KHDRBS2: variants seen among roughly 807,000 people sequenced by gnomAD.
KHDRBS2 encodes KH domain-containing, RNA-binding, signal transduction-associated protein 2.
Under a neutral mutation model 44.3 loss-of-function variants are expected in KHDRBS2, and 26 were observed. That is an observed-to-expected ratio of 0.59 (90% CI 0.43 to 0.81). The LOEUF is 0.81. Among genes scored for constraint, KHDRBS2 ranks in the 40% least tolerant of loss-of-function variants. The probability of loss-of-function intolerance (pLI) is 0.00; values close to 1 mark genes in which losing one functional copy is unlikely to be tolerated. For missense variants in KHDRBS2, 476 were observed against 433.1 expected (o/e 1.10, Z -0.88); for synonymous variants, 194 against 151.1 (o/e 1.28, Z -2.08).
At chr6:61,781,292 C>A (rs1471616650) in intron 6 of KHDRBS2, among the ~76,000 whole-genome samples, 1 of 151,990 alleles carries the variant, frequency 6.6e-6, no homozygotes, top group Non-Finnish European at 1.5e-5. Flanking sequence ...TCCAAAATAA[C>A]TGATAAAGTT....
chr6:61,643,760 A>G, the KHDRBS2 span, among the ~76,000 whole-genome samples: 1 of 152,186 alleles, frequency 6.6e-6, no homozygotes, highest in Non-Finnish European at 1.5e-5. Context: ...AAGGTGAAAG[A>G]TCTCTGCAAT....
chr6:61,707,381 A>G (rs1769762552), intron 7 of KHDRBS2, among the ~76,000 whole-genome samples: 1 of 151,760 alleles, frequency 6.6e-6, no homozygotes. Context: ...CTAAGCCTTC[A>G]TTGACCACAA....
At chr6:61,615,633 G>A in the KHDRBS2 span, among the ~76,000 whole-genome samples, 4 of 152,098 alleles carry the variant, frequency 2.6e-5, no homozygotes, top group African/African-American at 9.7e-5. Flanking sequence ...ATTTGAAAAT[G>A]TAAAATCCAA....
At chr6:61,935,017 G>A (rs147987210) in intron 4 of KHDRBS2, among the ~76,000 whole-genome samples, 281 of 152,252 alleles carry the variant, frequency 1.8e-3, no homozygotes, top group African/African-American at 6.5e-3. Flanking sequence ...TGCCATTTGA[G>A]GTGCTCTGAA....
chr6:62,093,288 C>A (rs1471455611), intron 2 of KHDRBS2, among the ~76,000 whole-genome samples: 1 of 151,066 alleles, frequency 6.6e-6, no homozygotes, highest in Non-Finnish European at 1.5e-5. Context: ...TTTACTAAAT[C>A]CAAGAATAAA....
the KHDRBS2 span, among the ~76,000 whole-genome samples, chr6:61,553,082 G>C: frequency 6.6e-6 from 1 of 152,118 alleles, no homozygotes; most frequent in Non-Finnish European, 1.5e-5. Context: ...AATAATACTT[G>C]CTCTTCTTTA....
chr6:62,072,032 A>T (rs562541479), intron 2 of KHDRBS2, among the ~76,000 whole-genome samples: 19 of 152,258 alleles, frequency 1.2e-4, no homozygotes, highest in South Asian at 2.1e-4. Flanking sequence ...AGTGGTTTGT[A>T]GTTCTCCTTG....
intron 1 of KHDRBS2, among the ~76,000 whole-genome samples, chr6:62,203,726 G>A (rs1466448905): frequency 6.6e-6 from 1 of 152,054 alleles, no homozygotes; most frequent in Admixed American, 6.6e-5. Context: ...ATACTGGAGG[G>A]AATTGGCAAG....
the KHDRBS2 span, among the ~76,000 whole-genome samples, chr6:61,652,619 A>G: frequency 6.6e-6 from 1 of 152,080 alleles, no homozygotes; most frequent in African/African-American, 2.4e-5. Context: ...GAGTCCCTGG[A>G]AAGAGCCAAG....
At chr6:62,094,621 CA>C (rs1176962508) in intron 2 of KHDRBS2, among the ~76,000 whole-genome samples, 1 of 151,684 alleles carries the variant, frequency 6.6e-6, no homozygotes, top group Non-Finnish European at 1.5e-5. Flanking sequence ...ACTTCTTATC[CA>C]AAAAATCCCT....
intron 4 of KHDRBS2, among the ~76,000 whole-genome samples, chr6:61,936,526 T>TA (rs1238784728): frequency 6.6e-6 from 1 of 152,006 alleles, no homozygotes; most frequent in Non-Finnish European, 1.5e-5. Context: ...GATTTTTTTT[T>TA]ATATTTGAAT....
At chr6:62,090,821 C>T (rs1799361285) in intron 2 of KHDRBS2, among the ~76,000 whole-genome samples, 1 of 152,100 alleles carries the variant, frequency 6.6e-6, no homozygotes, top group Non-Finnish European at 1.5e-5. Context: ...GTTTCAAAGT[C>T]TCCTAAATGG....
At chr6:61,960,541 A>T (rs556384152) in intron 4 of KHDRBS2, among the ~76,000 whole-genome samples, 83 of 152,224 alleles carry the variant, frequency 5.5e-4, no homozygotes, top group African/African-American at 1.9e-3. Flanking sequence ...CAATAAACAT[A>T]TTGATCCTTA....
the KHDRBS2 span, among the ~76,000 whole-genome samples, chr6:61,564,704 G>T: frequency 6.6e-6 from 1 of 152,072 alleles, no homozygotes; most frequent in African/African-American, 2.4e-5. Flanking sequence ...TGGAGATAGG[G>T]CATTATTGTG....
At chr6:62,255,641 CACACACACACACACAA>C (rs1837269182) in intron 1 of KHDRBS2, among the ~76,000 whole-genome samples, 1 of 131,370 alleles carries the variant, frequency 7.6e-6, no homozygotes, top group South Asian at 2.5e-4. Context: ...CACACACACA[CACACACACACACACAA>C]TGTAGAAATA....
chr6:61,837,360 A>G (rs1792857449), intron 6 of KHDRBS2, among the ~76,000 whole-genome samples: 1 of 151,998 alleles, frequency 6.6e-6, no homozygotes. Context: ...GTCTCTGAAG[A>G]CCATATCTTC....
At chr6:62,267,194 G>A (rs1423245458) in intron 1 of KHDRBS2, among the ~76,000 whole-genome samples, 7 of 152,042 alleles carry the variant, frequency 4.6e-5, no homozygotes, top group Admixed American at 6.6e-5. Flanking sequence ...CAAAAATTCC[G>A]GGGTTTCTCA....
chr6:61,587,071 G>A, the KHDRBS2 span, among the ~76,000 whole-genome samples: 15 of 152,042 alleles, frequency 9.9e-5, no homozygotes, highest in Non-Finnish European at 1.5e-4. Context: ...GCTGTCATGA[G>A]TTGGGAAAAC....
chr6:61,554,444 C>T, the KHDRBS2 span, among the ~76,000 whole-genome samples: 26 of 147,728 alleles, frequency 1.8e-4, no homozygotes, highest in African/African-American at 6.0e-4. Flanking sequence ...ACCATTTAGT[C>T]TTGCTCCTTT....
Sources: gnomAD v4.1 joint callset for allele counts (sites outside exome capture counted in the v4.1 genomes callset) on GRCh38, gnomAD v4.1.1 for gene constraint, MANE v1.5 for transcripts, NCBI Gene and HGNC (gene_info 2026-07-23, HGNC 2026-07-21) for gene names.